Variants in NRG3 observed in about 807,000 individuals in gnomAD.
The protein encoded by NRG3 is neuregulin 3, also known as pro-neuregulin-3, membrane-bound isoform.
Under a neutral mutation model 66.9 loss-of-function variants are expected in NRG3, and 31 were observed. The observed-to-expected ratio is 0.46, with a 90% CI of 0.35 to 0.63. The LOEUF (loss-of-function observed/expected upper bound fraction) is 0.63. NRG3 is among the 20% of genes least tolerant of loss of function. NRG3 has a pLI of 0.00. For missense variants in NRG3, 910 were observed against 878.9 expected (o/e 1.04, Z -0.45); for synonymous variants, 393 against 359.4 (o/e 1.09, Z -1.06).
chr10:82,535,027 C>T (rs1297216108), intron 2 of NRG3, among the ~76,000 whole-genome samples: 1 of 150,652 alleles, frequency 6.6e-6, no homozygotes, highest in African/African-American at 2.4e-5. Context: ...TGGTGGTGCG[C>T]CTCTGTAATC....
intron 2 of NRG3, among the ~76,000 whole-genome samples, chr10:82,591,271 A>G (rs990012957): frequency 2.0e-5 from 3 of 152,238 alleles, no homozygotes; most frequent in Non-Finnish European, 4.4e-5. Context: ...CCTAAGAAAC[A>G]GTACTTTTTG....
intron 1 of NRG3, among the ~76,000 whole-genome samples, chr10:82,105,317 A>G (rs1164188745): frequency 1.3e-5 from 2 of 152,154 alleles, no homozygotes; most frequent in Admixed American, 1.3e-4. Flanking sequence ...GTACAAGTAG[A>G]AAGCCCGATA....
chr10:81,989,175 T>C (rs192269535), intron 1 of NRG3, among the ~76,000 whole-genome samples: 8 of 152,258 alleles, frequency 5.3e-5, no homozygotes, highest in Admixed American at 3.9e-4. Context: ...ATTAACTACA[T>C]TGGGAGACTT....
At chr10:82,410,536 A>G (rs1020603711) in intron 2 of NRG3, among the ~76,000 whole-genome samples, 1 of 151,182 alleles carries the variant, frequency 6.6e-6, no homozygotes, top group African/African-American at 2.4e-5. Context: ...AGTGGTGGCT[A>G]AGGGGTGGAG....
intron 1 of NRG3, among the ~76,000 whole-genome samples, chr10:82,288,576 C>T (rs955082498): frequency 6.6e-6 from 1 of 152,162 alleles, no homozygotes; most frequent in African/African-American, 2.4e-5. Context: ...GTGCCTACCA[C>T]ATGCCAGGCA....
intron 1 of NRG3, among the ~76,000 whole-genome samples, chr10:82,284,471 G>C (rs79209259): frequency 1.3e-5 from 2 of 152,266 alleles, no homozygotes; most frequent in East Asian, 3.9e-4. Context: ...TATTTTTCCT[G>C]CAGGGTGAGG....
intron 1 of NRG3, among the ~76,000 whole-genome samples, chr10:82,123,784 A>G (rs2068247321): frequency 6.7e-6 from 1 of 149,794 alleles, no homozygotes; most frequent in Non-Finnish European, 1.5e-5. Context: ...CGTCTGGAAA[A>G]CCTTAAAAGG....
rs189372689 is a variant in NRG3, at chr10:82,944,331, G to A, written c.1055-7138G>A. ...CTTATGTTTTTGTTTGTTTTAGTGG[G>A]CATTATTCTCCATAATTTTTATAAT... On this transcript the variant is annotated intron_variant, in intron 4 of 8. Coordinates refer to ENST00000372141, the MANE Select transcript of NRG3 (RefSeq NM_001010848.4). 3.0e-3 allele frequency among the ~76,000 whole-genome samples: 459 copies of A among 152,232 alleles called. 2 individuals carry two copies. Among genetic ancestry groups the A allele is most frequent in the African/African-American group, 0.01 (428 of 41,528 alleles).
chr10:81,992,429 T>C (rs1283056805), intron 1 of NRG3, among the ~76,000 whole-genome samples: 1 of 152,168 alleles, frequency 6.6e-6, no homozygotes, highest in Non-Finnish European at 1.5e-5. Flanking sequence ...TGGAAGAACA[T>C]TGGCCATGTC....
In NRG3 at chr10:82,656,516, T is replaced by C. The variant is rs542273328; in HGVS notation, c.954-82061T>C. On this transcript the variant is annotated intron_variant, in intron 2 of 8. Transcript: ENST00000372141. ...TGAAACTTTATAGGGTCATTTTCTT[T>C]ACATATCCTTTCCTTTTCCTAAAGA... Among the ~76,000 whole-genome samples the C allele has an allele frequency of 2.0e-5, 3 of 152,314 alleles. No homozygotes were observed. The East Asian group carries it at 5.8e-4, about 29-fold the overall frequency.
intron 2 of NRG3, among the ~76,000 whole-genome samples, chr10:82,361,384 G>A (rs1162005289): frequency 6.6e-6 from 1 of 152,044 alleles, no homozygotes; most frequent in Admixed American, 6.6e-5. Flanking sequence ...ATCTCCTACT[G>A]GTGTGTATGA....
chr10:81,876,018 T>C lies in NRG3; in HGVS notation c.678T>C (p.Thr226=), dbSNP rs759128075. The C allele has an allele frequency of 1.8e-5, 29 of 1,613,900 alleles. No individual in the cohort carries two copies. The Middle Eastern group carries it at 1.6e-3, about 91-fold the overall frequency. The change falls in exon 1 of 9, where the codon ACT becomes ACC. Residue 226 remains threonine, a synonymous_variant. Coordinates refer to ENST00000372141, the MANE Select transcript of NRG3 (RefSeq NM_001010848.4). ...PSTQAMPSWP[T]AAYATSSYLH... is the part of the protein sequence containing the mutation. ...CCCAGGCAATGCCCTCCTGGCCTAC[T>C]GCGGCATACGCTACCTCCTCCTACC...
chr10:82,782,538 C>A (rs957265599), intron 3 of NRG3, among the ~76,000 whole-genome samples: 11 of 152,082 alleles, frequency 7.2e-5, no homozygotes, highest in Non-Finnish European at 8.8e-5. Flanking sequence ...ACAACTGATA[C>A]TGAGTAGCGA....
At chr10:82,587,180 G>A (rs996861796) in intron 2 of NRG3, among the ~76,000 whole-genome samples, 7 of 152,096 alleles carry the variant, frequency 4.6e-5, no homozygotes, top group African/African-American at 1.7e-4. Context: ...AAAGTTGAAT[G>A]CAGACACAGA....
intron 1 of NRG3, among the ~76,000 whole-genome samples, chr10:81,919,314 T>C (rs1404042189): frequency 1.3e-5 from 2 of 152,166 alleles, no homozygotes; most frequent in East Asian, 3.9e-4. Context: ...AGATGGACAT[T>C]GCTTCAAAAC....
intron 1 of NRG3, among the ~76,000 whole-genome samples, chr10:82,300,085 A>G (rs920263044): frequency 1.3e-5 from 2 of 152,184 alleles, no homozygotes; most frequent in East Asian, 1.9e-4. Flanking sequence ...TGTCAACTAT[A>G]TATACAAATA....
At chr10:82,394,246 C>T (rs193146557) in intron 2 of NRG3, among the ~76,000 whole-genome samples, 250 of 152,288 alleles carry the variant, frequency 1.6e-3, no homozygotes, top group Non-Finnish European at 2.4e-3. Flanking sequence ...CTCCAGTCCT[C>T]TAAGGAACAG....
chr10:82,368,002 C>CTAAA (rs1432705043), intron 2 of NRG3, among the ~76,000 whole-genome samples: 5 of 152,022 alleles, frequency 3.3e-5, no homozygotes, highest in Non-Finnish European at 5.9e-5. Context: ...GACTCCATCT[C>CTAAA]TAAATAAATA....
At chr10:82,818,838 C>T (rs1475543131) in intron 3 of NRG3, among the ~76,000 whole-genome samples, 1 of 152,192 alleles carries the variant, frequency 6.6e-6, no homozygotes, top group South Asian at 2.1e-4. Context: ...AACATATTCT[C>T]TCAGCCCTGC....
Sources: allele counts gnomAD v4.1 joint callset (sites outside exome capture counted in the v4.1 genomes callset), GRCh38; gene constraint gnomAD v4.1.1; transcripts MANE v1.5; gene names NCBI Gene and HGNC (gene_info 2026-07-23, HGNC 2026-07-21).